DGKI: variants seen among roughly 807,000 people sequenced by gnomAD.
The protein encoded by DGKI is diacylglycerol kinase iota.
In DGKI, 55 loss-of-function variants were observed where a neutral mutation model predicts 147.5. The ratio of observed to expected loss-of-function variants is 0.37; its 90% CI spans 0.30 to 0.47. DGKI has a LOEUF of 0.47. DGKI is among the 20% of genes least tolerant of loss of function. DGKI has a pLI of 1.00. For missense variants in DGKI, 1,007 were observed against 1,323.8 expected (o/e 0.76, Z 3.71); for synonymous variants, 469 against 477.1 (o/e 0.98, Z 0.22).
At chr7:137,439,205 A>T (rs978974761) in intron 28 of DGKI, among the ~76,000 whole-genome samples, 1 of 152,212 alleles carries the variant, frequency 6.6e-6, no homozygotes, top group Admixed American at 6.5e-5. Context: ...AGTAATATAC[A>T]TGAAAGAAAA....
chr7:137,733,344 T>C (rs994249735), intron 1 of DGKI, among the ~76,000 whole-genome samples: 4 of 152,038 alleles, frequency 2.6e-5, no homozygotes, highest in Non-Finnish European at 2.9e-5. Context: ...CATACTGTAT[T>C]TGTCCTTTTG....
intron 1 of DGKI, among the ~76,000 whole-genome samples, chr7:137,704,792 C>A (rs959291013): frequency 2.0e-5 from 3 of 152,132 alleles, no homozygotes; most frequent in Non-Finnish European, 4.4e-5. Context: ...TCATCACATG[C>A]AAGGCATCCT....
At chr7:137,687,242 G>C (rs1025148006) in intron 2 of DGKI, among the ~76,000 whole-genome samples, 2 of 152,202 alleles carry the variant, frequency 1.3e-5, no homozygotes, top group African/African-American at 4.8e-5. Context: ...AAAGGCAAGA[G>C]ACTGGAGTTC....
rs971697990 is a variant in DGKI, at chr7:137,495,240, C to T, written c.2249-7551G>A. Among the ~76,000 whole-genome samples the T allele has an allele frequency of 9.9e-5, 15 of 151,662 alleles. No homozygotes were observed. In the South Asian group the frequency reaches 1.7e-3, roughly 17 times the overall value. The stretch of plus-strand genomic sequence containing the variant: ...AATACACATCCTCCCAAGATTGAAC[C>T]GGGAAGAAATTAAGTCCTTGAATAG... On this transcript the variant is annotated intron_variant, in intron 21 of 32. Coordinates refer to ENST00000614521, the MANE Select transcript of DGKI (RefSeq NM_001321708.2).
At chr7:137,521,377 C>T (rs951008240) in intron 21 of DGKI, among the ~76,000 whole-genome samples, 6 of 152,066 alleles carry the variant, frequency 3.9e-5, no homozygotes, top group African/African-American at 1.4e-4. Context: ...ATCAATGAAT[C>T]ACTTTAATAT....
intron 1 of DGKI, among the ~76,000 whole-genome samples, chr7:137,837,853 G>A (rs986424583): frequency 2.6e-5 from 4 of 152,156 alleles, no homozygotes; most frequent in Admixed American, 1.3e-4. Context: ...GCAGCCCCGA[G>A]GTTGTGCGCT....
chr7:137,740,258 G>A (rs1795138629), intron 1 of DGKI, among the ~76,000 whole-genome samples: 1 of 152,172 alleles, frequency 6.6e-6, no homozygotes, highest in Non-Finnish European at 1.5e-5. Flanking sequence ...GGAAAGACCA[G>A]CTTCCTCTGT....
In DGKI at chr7:137,555,417, T is replaced by C. The variant is rs1009487299; in HGVS notation, c.1948-2849A>G. On this transcript the variant is annotated intron_variant, in intron 19 of 32. Coordinates refer to ENST00000614521, the MANE Select transcript of DGKI (RefSeq NM_001321708.2). ...GGTGCATGCCTGTAGTCCCAGCTAG[T>C]TGGGAGGCTTAGGGAGGAGGAGCTT... Among the ~76,000 whole-genome samples the C allele has an allele frequency of 2.0e-5, 3 of 151,948 alleles. No individual in the cohort carries two copies. The East Asian group carries it at 5.9e-4, about 30-fold the overall frequency.
At chr7:137,593,923 G>C (rs1010344472) in intron 12 of DGKI, among the ~76,000 whole-genome samples, 27 of 152,158 alleles carry the variant, frequency 1.8e-4, no homozygotes, top group African/African-American at 6.3e-4. Flanking sequence ...GCATTTCTTT[G>C]TAGATTCAGA....
At chr7:137,499,392 A>G (rs1038577511) in intron 21 of DGKI, among the ~76,000 whole-genome samples, 5 of 152,100 alleles carry the variant, frequency 3.3e-5, no homozygotes, top group African/African-American at 1.2e-4. Context: ...ATAGCTGGTA[A>G]AACACAATTT....
At chr7:137,466,083 A>G (rs147705243) in intron 25 of DGKI, 48 bp from the exon 26 acceptor site, 2 of 1,601,722 alleles carry the variant, frequency 1.2e-6, no homozygotes, top group East Asian at 4.5e-5. Flanking sequence ...CAAAACAAGT[A>G]TTCTTGGTCT....
chr7:137,444,142 T>A, intron 27 of DGKI, 40 bp from the exon 28 acceptor site: 1 of 1,162,146 alleles, frequency 8.6e-7, no homozygotes, highest in Non-Finnish European at 1.2e-6. Context: ...TTTTATATGA[T>A]AATTATAATG....
intron 26 of DGKI, among the ~76,000 whole-genome samples, chr7:137,464,252 A>G (rs1393656263): frequency 3.0e-5 from 4 of 132,672 alleles, no homozygotes; most frequent in African/African-American, 9.0e-5. Context: ...GCGAGACTCC[A>G]TCTCAAAAAA....
At chr7:137,612,908 G>A (rs1035797103) in intron 8 of DGKI, among the ~76,000 whole-genome samples, 15 of 152,120 alleles carry the variant, frequency 9.9e-5, no homozygotes, top group South Asian at 6.2e-4. Context: ...AACAGCAGTC[G>A]CCCCCTAGAC....
intron 3 of DGKI, among the ~76,000 whole-genome samples, chr7:137,664,597 G>C (rs1234702111): frequency 6.6e-6 from 1 of 152,120 alleles, no homozygotes; most frequent in Non-Finnish European, 1.5e-5. Context: ...AAAAACAGTT[G>C]CATCTGTATT....
intron 1 of DGKI, among the ~76,000 whole-genome samples, chr7:137,708,744 T>C (rs1282340631): frequency 6.6e-6 from 1 of 152,194 alleles, no homozygotes; most frequent in Non-Finnish European, 1.5e-5. Flanking sequence ...AATGCATGAA[T>C]TATTGCTAAT....
At chr7:137,532,554 G>A (rs1446591450) in intron 20 of DGKI, among the ~76,000 whole-genome samples, 3 of 152,104 alleles carry the variant, frequency 2.0e-5, no homozygotes, top group African/African-American at 2.4e-5. Flanking sequence ...AGCTACATTT[G>A]GCTCTGGAAA....
In DGKI at chr7:137,750,297, G is replaced by A. The variant is rs530042634; in HGVS notation, c.402-60295C>T. ...CCTAGATGCAGGTCTTCCTACTCCT[G>A]GTTCAGTGCTTCAACCTGGCAGATT... On this transcript the variant is annotated intron_variant, in intron 1 of 32. Coordinates refer to ENST00000614521, the MANE Select transcript of DGKI (RefSeq NM_001321708.2). 1.4e-4 allele frequency among the ~76,000 whole-genome samples: 21 copies of A among 152,222 alleles called. No individual in the cohort carries two copies. In the South Asian group the frequency reaches 4.1e-3, roughly 30 times the overall value.
intron 20 of DGKI, among the ~76,000 whole-genome samples, chr7:137,548,528 C>T (rs1446484090): frequency 6.6e-6 from 1 of 152,126 alleles, no homozygotes; most frequent in African/African-American, 2.4e-5. Flanking sequence ...TGCTCTCTCT[C>T]CCACCATATG....
Sources: gnomAD v4.1 joint callset for allele counts (sites outside exome capture counted in the v4.1 genomes callset) on GRCh38, gnomAD v4.1.1 for gene constraint, MANE v1.5 for transcripts, NCBI Gene and HGNC (gene_info 2026-07-23, HGNC 2026-07-21) for gene names.